ADAM20: variants seen among roughly 807,000 people sequenced by gnomAD.
ADAM20 encodes disintegrin and metalloproteinase domain-containing protein 20.
For missense variants in ADAM20, 871 were observed against 883.2 expected (o/e 0.99, Z 0.18); for synonymous variants, 305 against 310.2 (o/e 0.98, Z 0.18).
At chr14:70,544,945 T>C in the ADAM20 span, among the ~76,000 whole-genome samples, 1 of 152,150 alleles carries the variant, frequency 6.6e-6, no homozygotes, top group Non-Finnish European at 1.5e-5. Context: ...TCTAGCAATA[T>C]TGATCAATAT....
Position 70,524,782 on chromosome 14 carries a change from T to G in ADAM20, c.-25A>C. ...TTATGAAGCTGTCATTATGGAGCCA[T>G]CTGTCTAGAGCAGAAGAGAACAAGG... On this transcript the variant is annotated 5_prime_UTR_variant, in exon 2 of 2. It removes an upstream start codon present in the reference 5' UTR. Coordinates refer to ENST00000256389, the MANE Select transcript of ADAM20 (RefSeq NM_003814.5). 1 of 1,613,738 alleles carries G rather than the reference T, an allele frequency of 6.2e-7. No individual in the cohort carries two copies. The highest frequency in any genetic ancestry group is 8.5e-7 in the Non-Finnish European group (1 of 1,179,918).
At chr14:70,553,334 T>A in the ADAM20 span, among the ~76,000 whole-genome samples, 626 of 36,272 alleles carry the variant, frequency 0.017, no homozygotes, top group Admixed American at 0.019. Context: ...AAAAAAAAAC[T>A]AGTAGCAGAA....
the ADAM20 span, among the ~76,000 whole-genome samples, chr14:70,554,525 G>GAC: frequency 5.7e-4 from 86 of 151,358 alleles, no homozygotes; most frequent in South Asian, 1.3e-3. Context: ...AATTGTGATA[G>GAC]ACACACACAC....
chr14:70,543,662 C>A, the ADAM20 span, among the ~76,000 whole-genome samples: 2 of 152,280 alleles, frequency 1.3e-5, no homozygotes, highest in African/African-American at 2.4e-5. Flanking sequence ...TCTTACCCTG[C>A]CTACTAAACC....
the ADAM20 span, among the ~76,000 whole-genome samples, chr14:70,542,634 C>G: frequency 1.3e-5 from 2 of 152,158 alleles, no homozygotes; most frequent in Non-Finnish European, 2.9e-5. Flanking sequence ...AAAGTTCCGT[C>G]AAAGCCAATT....
the ADAM20 span, among the ~76,000 whole-genome samples, chr14:70,541,736 G>A: frequency 0.016 from 2,372 of 152,186 alleles, 60 homozygotes; most frequent in African/African-American, 0.049. Flanking sequence ...ATATGTTATT[G>A]GTATGTGTTC....
At chr14:70,556,661 C>A in the ADAM20 span, 3 of 152,168 alleles carry the variant, frequency 2.0e-5, no homozygotes, top group Admixed American at 2.0e-4. Flanking sequence ...TGTACAGGCC[C>A]ACTCATGTGC....
chr14:70,564,734 C>T, the ADAM20 span, among the ~76,000 whole-genome samples: 734 of 129,178 alleles, frequency 5.7e-3, 4 homozygotes, highest in African/African-American at 0.021. Flanking sequence ...GAGATAGACG[C>T]AATTTTTTTT....
In ADAM20 at chr14:70,522,691, T is replaced by C. The variant is rs755140580; in HGVS notation, c.2067A>G (p.Gly689=). Reference sequence around the variant, plus strand: ...ACAATAGTGACAGGTAACGCAACTTTCCCATCACATTTAATCCTTCCATGT... The same window carrying C: ...ACAATAGTGACAGGTAACGCAACTTCCCCATCACATTTAATCCTTCCATGT... ...KNNMEGLNVM[G]KLRYLSLLCL... Residue 689 remains glycine, a synonymous_variant, in exon 2 of 2, where the codon GGA becomes GGG. Coordinates refer to ENST00000256389, the MANE Select transcript of ADAM20 (RefSeq NM_003814.5). The C allele has an allele frequency of 8.7e-6, 14 of 1,614,018 alleles. No individual in the cohort carries two copies. In the African/African-American group the frequency reaches 1.3e-4, roughly 15 times the overall value.
the ADAM20 span, among the ~76,000 whole-genome samples, chr14:70,545,071 A>T: frequency 6.6e-6 from 1 of 152,230 alleles, no homozygotes; most frequent in Non-Finnish European, 1.5e-5. Flanking sequence ...CAACATGAGA[A>T]AACACCTTTA....
At chr14:70,545,821 A>G in the ADAM20 span, among the ~76,000 whole-genome samples, 5 of 152,208 alleles carry the variant, frequency 3.3e-5, no homozygotes, top group African/African-American at 1.2e-4. Flanking sequence ...GGCAGAAAAT[A>G]AAAAAGAAAT....
the ADAM20 span, among the ~76,000 whole-genome samples, chr14:70,574,732 T>G: frequency 6.6e-6 from 1 of 151,878 alleles, no homozygotes. Flanking sequence ...AGCCTGGTGT[T>G]AGCAAAAGGA....
chr14:70,547,455 C>A, the ADAM20 span: 1 of 139,394 alleles, frequency 7.2e-6, no homozygotes, highest in South Asian at 2.5e-4. Flanking sequence ...GCGCACCGTG[C>A]GCGAGCCGAA....
the ADAM20 span, among the ~76,000 whole-genome samples, chr14:70,545,369 G>T: frequency 6.6e-6 from 1 of 152,198 alleles, no homozygotes; most frequent in East Asian, 1.9e-4. Context: ...GTGAGGTTTT[G>T]CATTGAACTC....
At chr14:70,536,832 C>A (rs1214767379), upstream of ADAM20, among the ~76,000 whole-genome samples, 3 of 151,784 alleles carry the variant, frequency 2.0e-5, no homozygotes, top group Admixed American at 2.0e-4. Context: ...CAGAGACATT[C>A]CAACCCTGCC....
chr14:70,540,408 AG>A, the ADAM20 span, among the ~76,000 whole-genome samples: 1 of 152,244 alleles, frequency 6.6e-6, no homozygotes, highest in Non-Finnish European at 1.5e-5. Flanking sequence ...GGAAACTTTC[AG>A]TTCACATGAC....
the ADAM20 span, among the ~76,000 whole-genome samples, chr14:70,571,420 C>G: frequency 6.6e-6 from 1 of 152,206 alleles, no homozygotes; most frequent in Non-Finnish European, 1.5e-5. Flanking sequence ...CTTCTCCTTC[C>G]TGCCATCATG....
chr14:70,530,332 T>G (rs1883684710), intron 1 of ADAM20, among the ~76,000 whole-genome samples: 1 of 152,264 alleles, frequency 6.6e-6, no homozygotes, highest in Middle Eastern at 3.4e-3. Flanking sequence ...AGCTGTCATC[T>G]CCTATGATCA....
chr14:70,530,876 TAA>T (rs554347882), intron 1 of ADAM20, among the ~76,000 whole-genome samples: 1 of 141,024 alleles, frequency 7.1e-6, no homozygotes, highest in Admixed American at 7.1e-5. Flanking sequence ...TACTGACATT[TAA>T]AAAAAAAAAA....
Sources: allele counts gnomAD v4.1 joint callset (sites outside exome capture counted in the v4.1 genomes callset), GRCh38; gene constraint gnomAD v4.1.1; transcripts MANE v1.5; gene names NCBI Gene and HGNC (gene_info 2026-07-23, HGNC 2026-07-21).